SLC44A5: variants seen among roughly 807,000 people sequenced by gnomAD.
SLC44A5 encodes choline transporter-like protein 5.
A neutral mutation model predicts 101.8 loss-of-function variants in SLC44A5; 57 were observed. The observed-to-expected ratio is 0.56, with a 90% CI of 0.45 to 0.70. The LOEUF (loss-of-function observed/expected upper bound fraction) is 0.70. SLC44A5 is among the 30% of genes least tolerant of loss of function. The probability of loss-of-function intolerance (pLI) is 0.00; values close to 1 mark genes in which losing one functional copy is unlikely to be tolerated. For synonymous variants in SLC44A5, 281 were observed against 290.9 expected (o/e 0.97, Z 0.35); for missense variants, 737 against 853.1 (o/e 0.86, Z 1.70).
At position 75,238,514 on chromosome 1, in the gene SLC44A5, T is replaced by A; in HGVS notation, c.655A>T (p.Asn219Tyr). The part of the protein sequence containing the change: ...RSVVELGIAA[N>Y]GINKLLDAKS... Reference sequence around the variant, plus strand: ...AAATTAGAATGTAAACACACATACTTTGCAGCAATCCCGAGTTCTACAACA... The same window carrying A: ...AAATTAGAATGTAAACACACATACTATGCAGCAATCCCGAGTTCTACAACA... The change falls in exon 10 of 24, where the codon AAT (asparagine) becomes TAT (tyrosine). Residue 219 changes from asparagine (N) to tyrosine (Y), a missense_variant and splice_region_variant. Transcript: ENST00000370859. 6.3e-7 allele frequency: 1 copy of A among 1,593,614 alleles called. No individual in the cohort carries two copies. Among genetic ancestry groups the A allele is most frequent in the South Asian group, 1.1e-5 (1 of 87,272 alleles).
At chr1:75,240,459 T>C (rs1438020588) in intron 9 of SLC44A5, among the ~76,000 whole-genome samples, 1 of 152,154 alleles carries the variant, frequency 6.6e-6, no homozygotes, top group East Asian at 1.9e-4. Flanking sequence ...TTATCCTGTG[T>C]ACTTAGCCAA....
At chr1:75,349,596 T>C (rs1319557436) in intron 3 of SLC44A5, among the ~76,000 whole-genome samples, 2 of 152,100 alleles carry the variant, frequency 1.3e-5, no homozygotes, top group Non-Finnish European at 2.9e-5. Flanking sequence ...CTCACTAAAA[T>C]ATATTGTGTA....
the SLC44A5 span, among the ~76,000 whole-genome samples, chr1:75,688,940 T>C: frequency 4.1e-4 from 62 of 152,310 alleles, no homozygotes; most frequent in African/African-American, 1.5e-3. Flanking sequence ...CCTCACATCC[T>C]ATGGTGCTAA....
At chr1:75,501,587 C>T (rs1397616554) in intron 2 of SLC44A5, among the ~76,000 whole-genome samples, 5 of 152,178 alleles carry the variant, frequency 3.3e-5, no homozygotes, top group Non-Finnish European at 7.3e-5. Flanking sequence ...TTCAAATCCA[C>T]TTTCTCATTA....
At chr1:75,527,814 T>C (rs1670503620) in intron 2 of SLC44A5, among the ~76,000 whole-genome samples, 1 of 152,216 alleles carries the variant, frequency 6.6e-6, no homozygotes, top group African/African-American at 2.4e-5. Flanking sequence ...GACACCTTTC[T>C]AGGCTGTTCA....
rs147799278 is a variant in SLC44A5, at chr1:75,467,194, T to C, written c.14-70573A>G. Among the ~76,000 whole-genome samples the C allele has an allele frequency of 4.8e-3, 729 of 151,784 alleles. 4 individuals are homozygous for C. Among genetic ancestry groups the C allele is most frequent in the African/African-American group, 0.017 (701 of 41,412 alleles). ...AGAAATTTAAGAGGACACCAAGAAA[T>C]AGATAAATATTCCAGGTTCATATAC... On this transcript the variant is annotated intron_variant, in intron 2 of 23. Coordinates refer to ENST00000370859, the MANE Select transcript of SLC44A5 (RefSeq NM_001130058.2).
chr1:75,432,027 T>C (rs974314018), intron 2 of SLC44A5, among the ~76,000 whole-genome samples: 2 of 152,162 alleles, frequency 1.3e-5, no homozygotes, highest in African/African-American at 4.8e-5. Flanking sequence ...GTCAAGCCAG[T>C]TCATGTCAAT....
intron 23 of SLC44A5, chr1:75,204,835 A>ATAAT (rs1368390136): frequency 3.3e-5 from 5 of 152,086 alleles, no homozygotes; most frequent in African/African-American, 1.2e-4. Flanking sequence ...GAACTTTATA[A>ATAAT]TAATTCACAT....
At chr1:75,445,492 T>C (rs1012626883) in intron 2 of SLC44A5, among the ~76,000 whole-genome samples, 1 of 149,354 alleles carries the variant, frequency 6.7e-6, no homozygotes, top group Non-Finnish European at 1.5e-5. Flanking sequence ...ATATAAAATA[T>C]ATATAATATT....
intron 3 of SLC44A5, among the ~76,000 whole-genome samples, chr1:75,383,964 T>C (rs554721036): frequency 9.2e-5 from 14 of 151,852 alleles, no homozygotes; most frequent in African/African-American, 3.4e-4. Flanking sequence ...CTAAGCTTCA[T>C]AAGCGAAGGA....
Position 75,300,693 on chromosome 1 carries a change from C to A in SLC44A5, c.102-8G>T, listed in dbSNP as rs1159766197. The A allele has an allele frequency of 3.9e-6, 6 of 1,552,232 alleles. No individual in the cohort carries two copies. Among genetic ancestry groups the A allele is most frequent in the South Asian group, 1.3e-5 (1 of 78,656 alleles). On this transcript the variant is annotated splice_region_variant and splice_polypyrimidine_tract_variant and intron_variant, in intron 4 of 23. Transcript: ENST00000370859. ...AGAACATCTGTACAACTCCTAAAGA[C>A]AAAAAAAGAAATAAATAATTAAAAG...
chr1:75,309,808 CA>C (rs1655167267), intron 4 of SLC44A5, among the ~76,000 whole-genome samples: 1 of 152,152 alleles, frequency 6.6e-6, no homozygotes, highest in African/African-American at 2.4e-5. Context: ...TTAAAAAACA[CA>C]TAAAATGCTG....
chr1:75,277,705 G>C (rs752819313), intron 5 of SLC44A5, among the ~76,000 whole-genome samples: 1 of 150,890 alleles, frequency 6.6e-6, no homozygotes, highest in Non-Finnish European at 1.5e-5. Flanking sequence ...ATATCTGATT[G>C]GGGGGGATCT....
At chr1:75,213,585 C>G in intron 22 of SLC44A5, 120 bp downstream of exon 22, 1 of 745,040 alleles carries the variant, frequency 1.3e-6, no homozygotes, top group South Asian at 1.8e-5. Context: ...TTGGCTGACA[C>G]CTTGATCTTG....
chr1:75,673,302 GGGGTGTGAT>G, the SLC44A5 span, among the ~76,000 whole-genome samples: 1 of 151,980 alleles, frequency 6.6e-6, no homozygotes, highest in Admixed American at 6.6e-5. Flanking sequence ...CTGTGGGTCG[GGGGTGTGAT>G]GACCACAAGG....
At chr1:75,625,512 A>G in the SLC44A5 span, among the ~76,000 whole-genome samples, 3 of 152,160 alleles carry the variant, frequency 2.0e-5, no homozygotes, top group East Asian at 5.8e-4. Flanking sequence ...TTCGCAGGCC[A>G]AAAATACTAT....
At chr1:75,635,969 G>T in the SLC44A5 span, among the ~76,000 whole-genome samples, 4 of 151,862 alleles carry the variant, frequency 2.6e-5, no homozygotes, top group African/African-American at 9.7e-5. Context: ...TACATTCATA[G>T]ATCGTGTAAT....
intron 2 of SLC44A5, among the ~76,000 whole-genome samples, chr1:75,470,904 A>G (rs549220238): frequency 6.6e-6 from 1 of 152,162 alleles, no homozygotes; most frequent in South Asian, 2.1e-4. Flanking sequence ...GCATCTGAGT[A>G]ACTGTTTCTG....
chr1:75,681,327 T>C, the SLC44A5 span, among the ~76,000 whole-genome samples: 2 of 152,194 alleles, frequency 1.3e-5, no homozygotes, highest in African/African-American at 4.8e-5. Context: ...TAGACCAATA[T>C]TCTTGATGAA....
Sources: allele counts gnomAD v4.1 joint callset (sites outside exome capture counted in the v4.1 genomes callset), GRCh38; gene constraint gnomAD v4.1.1; transcripts MANE v1.5; gene names NCBI Gene and HGNC (gene_info 2026-07-23, HGNC 2026-07-21).